Variants in TENM3 observed in about 807,000 individuals in gnomAD.
The protein encoded by TENM3 is teneurin-3.
TENM3 carries 63 observed loss-of-function variants against 255.1 expected under a neutral mutation model. The observed-to-expected ratio is 0.25, with a 90% confidence interval of 0.20 to 0.30. The LOEUF (loss-of-function observed/expected upper bound fraction) is 0.30. Among genes scored for constraint, TENM3 ranks in the 10% least tolerant of loss-of-function variants. TENM3 has a pLI of 1.00. For synonymous variants in TENM3, 1,306 were observed against 1,322.3 expected, an observed-to-expected ratio of 0.99 and a Z score of 0.27; for missense variants, 2,929 against 3,461.1, an observed-to-expected ratio of 0.85 and a Z score of 3.86.
At chr4:182,719,530 A>G (rs1759523713) in intron 13 of TENM3, among the ~76,000 whole-genome samples, 1 of 151,910 alleles carries the variant, frequency 6.6e-6, no homozygotes, top group East Asian at 1.9e-4. Flanking sequence ...AAGTGCTGGG[A>G]TTACAGGCAT....
chr4:181,911,738 G>A, the TENM3 span, among the ~76,000 whole-genome samples: 3 of 151,914 alleles, frequency 2.0e-5, no homozygotes, highest in Non-Finnish European at 4.4e-5. Context: ...AAATGAACAG[G>A]GATGATTTAC....
intron 1 of TENM3, among the ~76,000 whole-genome samples, chr4:182,259,569 T>C (rs1758647840): frequency 6.6e-6 from 1 of 152,144 alleles, no homozygotes; most frequent in South Asian, 2.1e-4. Flanking sequence ...TGCCTCTGCC[T>C]CCCAAAGTGC....
chr4:182,682,541 T>C (rs1756255415), intron 11 of TENM3, among the ~76,000 whole-genome samples: 1 of 152,234 alleles, frequency 6.6e-6, no homozygotes, highest in African/African-American at 2.4e-5. Context: ...AGCCAAGTTG[T>C]TATTGAGCAC....
rs534667771 is a variant in TENM3 at position 182,269,030 on chromosome 4, G to T, written c.-76+25554G>T. Among the ~76,000 whole-genome samples, 106 of 151,978 alleles carry T rather than the reference G, an allele frequency of 7.0e-4. 1 individual carries two copies. The highest frequency in any genetic ancestry group is 2.4e-3 in the African/African-American group (100 of 41,442). On this transcript the variant is annotated intron_variant, in intron 1 of 27. Coordinates refer to ENST00000511685, the MANE Select transcript of TENM3 (RefSeq NM_001080477.4). ...CCCCTTTCCTGTAACATATTTCTTT[G>T]TCCTGTGACAAAGATGTTGAATATA...
the TENM3 span, among the ~76,000 whole-genome samples, chr4:181,628,146 T>A: frequency 6.6e-6 from 1 of 152,258 alleles, no homozygotes; most frequent in South Asian, 2.1e-4. Context: ...TTTTGAGAAG[T>A]GTCTGTTCCT....
chr4:181,906,423 G>A, the TENM3 span: 22 of 202,106 alleles, frequency 1.1e-4, no homozygotes, highest in Non-Finnish European at 1.9e-4. Context: ...TATCTACTTT[G>A]TAGGCCAAAA....
the TENM3 span, among the ~76,000 whole-genome samples, chr4:181,635,127 C>A: frequency 4.2e-3 from 638 of 152,096 alleles, 1 homozygote; most frequent in African/African-American, 0.015. Context: ...GGGATTTAGC[C>A]GTCAAAATTT....
At chr4:182,012,716 A>G in the TENM3 span, 2 of 152,144 alleles carry the variant, frequency 1.3e-5, no homozygotes, top group African/African-American at 4.8e-5. Flanking sequence ...ACCACAACCA[A>G]AACTGCTGCA....
At chr4:182,085,168 A>C in the TENM3 span, 2 of 152,214 alleles carry the variant, frequency 1.3e-5, no homozygotes, top group East Asian at 3.9e-4. Context: ...TCCACAGCTT[A>C]GGTTACCTAC....
At chr4:181,450,643 C>T in the TENM3 span, among the ~76,000 whole-genome samples, 4 of 152,186 alleles carry the variant, frequency 2.6e-5, no homozygotes, top group Admixed American at 2.0e-4. Flanking sequence ...TTCTCATACT[C>T]TTATGTCATC....
chr4:182,210,303 A>G (rs1284912518), intron 1 of TENM3, among the ~76,000 whole-genome samples: 1 of 151,972 alleles, frequency 6.6e-6, no homozygotes, highest in East Asian at 1.9e-4. Flanking sequence ...GCACCTCAAC[A>G]TTGAAAACCA....
chr4:182,595,395 A>C (rs1387289084), intron 3 of TENM3, among the ~76,000 whole-genome samples: 1 of 152,166 alleles, frequency 6.6e-6, no homozygotes, highest in Non-Finnish European at 1.5e-5. Context: ...TTCAGTGTAC[A>C]CCATGATCCA....
At chr4:181,519,595 A>G in the TENM3 span, among the ~76,000 whole-genome samples, 1 of 152,220 alleles carries the variant, frequency 6.6e-6, no homozygotes, top group Admixed American at 6.5e-5. Context: ...GTTGGATTAG[A>G]TGAACTATTC....
chr4:181,748,862 A>G, the TENM3 span, among the ~76,000 whole-genome samples: 2 of 152,144 alleles, frequency 1.3e-5, no homozygotes, highest in African/African-American at 4.8e-5. Flanking sequence ...TACACCATGC[A>G]TAAATTATTA....
At chr4:181,920,551 C>A in the TENM3 span, among the ~76,000 whole-genome samples, 1 of 152,176 alleles carries the variant, frequency 6.6e-6, no homozygotes, top group African/African-American at 2.4e-5. Flanking sequence ...AGTGTCTGTT[C>A]ATATCCTTCG....
rs566332691 is a variant in TENM3, at chr4:182,445,613, T to A, written c.511+98684T>A. Among the ~76,000 whole-genome samples the A allele has an allele frequency of 3.1e-4, 45 of 145,548 alleles. No individual in the cohort carries two copies. The East Asian group carries it at 9.5e-3, about 31-fold the overall frequency. On this transcript the variant is annotated intron_variant, in intron 3 of 27. Coordinates refer to ENST00000511685, the MANE Select transcript of TENM3 (RefSeq NM_001080477.4). ...AACAGCTCATTTGTGGACTTTTTAT[T>A]TTTTTTTTTAAATACAATTTGCTTT...
At chr4:181,949,790 C>T in the TENM3 span, among the ~76,000 whole-genome samples, 4 of 152,108 alleles carry the variant, frequency 2.6e-5, no homozygotes, top group South Asian at 6.2e-4. Flanking sequence ...CCTCCTCAGT[C>T]CTCCTCAGTC....
chr4:182,762,440 C>G (rs566493403), intron 22 of TENM3, among the ~76,000 whole-genome samples: 1 of 108,836 alleles, frequency 9.2e-6, no homozygotes, highest in Non-Finnish European at 2.1e-5. Context: ...CCATTTAAAA[C>G]GATTGATAAT....
chr4:182,749,527 G>A (rs1417711746), intron 19 of TENM3, among the ~76,000 whole-genome samples: 4 of 152,182 alleles, frequency 2.6e-5, no homozygotes, highest in Non-Finnish European at 5.9e-5. Flanking sequence ...TTCTTAGTGA[G>A]TATGTAGTAT....
Sources: allele counts gnomAD v4.1 joint callset (sites outside exome capture counted in the v4.1 genomes callset), GRCh38; gene constraint gnomAD v4.1.1; transcripts MANE v1.5; gene names NCBI Gene and HGNC (gene_info 2026-07-23, HGNC 2026-07-21).